Variants in ARSG observed in about 807,000 individuals in gnomAD.
ARSG encodes ASG.
A neutral mutation model predicts 50.5 loss-of-function variants in ARSG; 37 were observed. The observed-to-expected ratio is 0.73, with a 90% CI of 0.56 to 0.96. The LOEUF (loss-of-function observed/expected upper bound fraction) is 0.96. Ranked by LOEUF, ARSG falls within the 50% of genes least tolerant of loss-of-function variation. ARSG has a pLI of 0.00. For missense variants in ARSG, 629 were observed against 675.3 expected (o/e 0.93, Z 0.76); for synonymous variants, 225 against 254.6 (o/e 0.88, Z 1.11).
chr17:68,424,003 G>A (rs977178567), downstream of ARSG, among the ~76,000 whole-genome samples: 11 of 152,102 alleles, frequency 7.2e-5, no homozygotes, highest in African/African-American at 2.4e-4. Flanking sequence ...TTGTCCCCAC[G>A]GTGTCTGACC....
chr17:68,401,375 A>G lies in ARSG; in HGVS notation c.1228A>G (p.Asn410Asp), dbSNP rs549712008. ...CCTTTCTCAGGTGCTGTTCCACCCC[A>G]ACAGCGGGGCAGCTGGAGAGTTTGG... ...QPGHRVLFHP[N>D]SGAAGEFGAL... The change falls in exon 11 of 12, where the codon AAC (asparagine) becomes GAC (aspartate). Residue 410 changes from asparagine to aspartate, a missense_variant. Coordinates refer to ENST00000621439, the MANE Select transcript of ARSG (RefSeq NM_001267727.2). The G allele has an allele frequency of 2.4e-5, 39 of 1,613,956 alleles. No homozygotes were observed. In the African/African-American group the frequency reaches 4.4e-4, roughly 18 times the overall value.
In ARSG at chr17:68,307,552, A is replaced by T. The variant is rs1304128903; in HGVS notation, c.59A>T (p.Tyr20Phe). The T allele has an allele frequency of 1.9e-6, 3 of 1,614,092 alleles. No individual in the cohort carries two copies. Among genetic ancestry groups the T allele is most frequent in the Non-Finnish European group, 2.5e-6 (3 of 1,180,008 alleles). The change falls in exon 2 of 12, where the codon TAT (tyrosine) becomes TTT (phenylalanine). Residue 20 changes from tyrosine to phenylalanine, a missense_variant. Coordinates refer to ENST00000621439, the MANE Select transcript of ARSG (RefSeq NM_001267727.2). ...LAGVSFSGFL[Y>F]PLVDFCISGK... ...GGAGTGAGTTTCTCAGGATTTCTTT[A>T]TCCTCTTGTGGATTTTTGCATCAGT...
chr17:68,261,642 G>T (rs1322670768), intron 1 of ARSG, among the ~76,000 whole-genome samples: 2 of 152,130 alleles, frequency 1.3e-5, no homozygotes, highest in African/African-American at 4.8e-5. Flanking sequence ...GCCTCCCAAA[G>T]TGGATGCTGT....
upstream of ARSG, among the ~76,000 whole-genome samples, chr17:68,287,680 A>AC (rs1379382449): frequency 1.3e-5 from 2 of 151,936 alleles, no homozygotes; most frequent in South Asian, 2.1e-4. Flanking sequence ...ACCCCGTCCT[A>AC]CCCCCAAGGT....
chr17:68,287,799 G>C (rs2075874169), upstream of ARSG, among the ~76,000 whole-genome samples: 1 of 151,974 alleles, frequency 6.6e-6, no homozygotes, highest in Admixed American at 6.6e-5. Context: ...AACCTTCCTG[G>C]GTGATAATGC....
At chr17:68,426,254 G>GCCCCCCCCCC, downstream of ARSG, 10 of 816,868 alleles carry the variant, frequency 1.2e-5, no homozygotes, top group East Asian at 3.5e-5. Flanking sequence ...GGGAGCGGGG[G>GCCCCCCCCCC]CTCAAATAAA....
chr17:68,283,385 G>C (rs992203458), intron 1 of ARSG, among the ~76,000 whole-genome samples: 15 of 152,016 alleles, frequency 9.9e-5, no homozygotes, highest in Non-Finnish European at 2.2e-4. Flanking sequence ...GCCAGGCGTG[G>C]TGGCGGGCGC....
At chr17:68,360,741 C>T (rs903475967) in intron 6 of ARSG, among the ~76,000 whole-genome samples, 6 of 152,160 alleles carry the variant, frequency 3.9e-5, no homozygotes, top group Non-Finnish European at 7.3e-5. Flanking sequence ...ATTGCACCTA[C>T]GCGGGCAATA....
At chr17:68,371,137 G>A (rs1441939234) in intron 8 of ARSG, among the ~76,000 whole-genome samples, 7 of 151,842 alleles carry the variant, frequency 4.6e-5, no homozygotes, top group South Asian at 2.1e-4. Flanking sequence ...TGGCTAACAC[G>A]GTGAAACCCC....
intron 8 of ARSG, among the ~76,000 whole-genome samples, chr17:68,372,351 A>G (rs774134305): frequency 5.9e-5 from 9 of 152,230 alleles, no homozygotes; most frequent in Non-Finnish European, 1.2e-4. Context: ...TCACATTGCT[A>G]TAAAGAACTA....
At chr17:68,425,234 C>T (rs895034621), downstream of ARSG, among the ~76,000 whole-genome samples, 14 of 152,212 alleles carry the variant, frequency 9.2e-5, no homozygotes, top group Non-Finnish European at 2.1e-4. Flanking sequence ...GATAGAGTCT[C>T]ACTCTTTCAC....
intron 11 of ARSG, among the ~76,000 whole-genome samples, chr17:68,411,660 T>C (rs1228756227): frequency 6.7e-6 from 1 of 148,164 alleles, no homozygotes; most frequent in Admixed American, 6.6e-5. Context: ...CAGAGCTGAG[T>C]TCAATTCCTG....
At chr17:68,365,108 G>A (rs1293667341) in intron 6 of ARSG, among the ~76,000 whole-genome samples, 7 of 152,180 alleles carry the variant, frequency 4.6e-5, no homozygotes, top group Non-Finnish European at 8.8e-5. Context: ...TCAGGAGTTC[G>A]AGACCAGCCT....
chr17:68,419,647 C>T (rs538712825), intron 11 of ARSG, among the ~76,000 whole-genome samples: 20 of 152,066 alleles, frequency 1.3e-4, no homozygotes, highest in Non-Finnish European at 2.2e-4. Context: ...GCCCTGAAGG[C>T]GAGTTCAAGG....
chr17:68,387,079 TCACACACACACACA>T (rs72320984), intron 9 of ARSG, among the ~76,000 whole-genome samples: 84 of 146,406 alleles, frequency 5.7e-4, no homozygotes, highest in African/African-American at 1.7e-3. Context: ...ATATAGTGTA[TCACACACACACACA>T]CACACACACA....
upstream of ARSG, among the ~76,000 whole-genome samples, chr17:68,288,282 G>A (rs1382398525): frequency 6.6e-6 from 1 of 152,140 alleles, no homozygotes; most frequent in Non-Finnish European, 1.5e-5. Context: ...TTACAGGCGT[G>A]AGCCACTGTG....
intron 6 of ARSG, chr17:68,359,921 C>T (rs2079202439): frequency 6.6e-6 from 1 of 152,324 alleles, no homozygotes; most frequent in African/African-American, 2.4e-5. Context: ...TTGAGCGTCT[C>T]CCAGCTCCCT....
the ARSG span, among the ~76,000 whole-genome samples, chr17:68,449,898 C>T: frequency 6.6e-6 from 1 of 152,174 alleles, no homozygotes; most frequent in Non-Finnish European, 1.5e-5. Context: ...GTAGTCCCAG[C>T]TACTCAGGAG....
intron 2 of ARSG, among the ~76,000 whole-genome samples, chr17:68,334,611 G>A (rs565764567): frequency 6.6e-6 from 1 of 152,174 alleles, no homozygotes; most frequent in South Asian, 2.1e-4. Flanking sequence ...TTTAGTACTG[G>A]GCGTTGACTA....
Sources: gnomAD v4.1 joint callset for allele counts (sites outside exome capture counted in the v4.1 genomes callset) on GRCh38, gnomAD v4.1.1 for gene constraint, MANE v1.5 for transcripts, NCBI Gene and HGNC (gene_info 2026-07-23, HGNC 2026-07-21) for gene names.